The following ZBTB7C variants were observed in gnomAD, a reference collection of about 807,000 sequenced individuals.
The protein encoded by ZBTB7C is zinc finger and BTB domain-containing protein 7C.
A neutral mutation model predicts 25.7 loss-of-function variants in ZBTB7C; 8 were observed. That is an observed-to-expected ratio of 0.31 (90% CI 0.18 to 0.56). The LOEUF is 0.56. Among genes scored for constraint, ZBTB7C ranks in the 20% least tolerant of loss-of-function variants. ZBTB7C has a pLI of 0.91. For missense variants in ZBTB7C, 824 were observed against 855.2 expected, an observed-to-expected ratio of 0.96 and a Z score of 0.46; for synonymous variants, 394 against 369.0, an observed-to-expected ratio of 1.07 and a Z score of -0.78.
At chr18:48,067,049 CCA>C (rs1174182416) in intron 3 of ZBTB7C, among the ~76,000 whole-genome samples, 72 of 152,280 alleles carry the variant, frequency 4.7e-4, no homozygotes, top group Non-Finnish European at 8.4e-4. Flanking sequence ...TTGCAGTGAG[CCA>C]AGATTGTGCC....
chr18:48,150,434 T>C (rs1002675132), intron 3 of ZBTB7C: 2 of 152,038 alleles, frequency 1.3e-5, no homozygotes, highest in African/African-American at 2.4e-5. Flanking sequence ...ACACAAAAAT[T>C]AGCTGGGTCT....
In ZBTB7C at chr18:48,352,253, G is replaced by A. The variant is rs140411165; in HGVS notation, c.-303-13855C>T. Among the ~76,000 whole-genome samples the A allele has an allele frequency of 3.6e-3, 550 of 152,332 alleles. 4 individuals carry two copies. The highest frequency in any genetic ancestry group is 0.012 in the African/African-American group (515 of 41,582). ...TGGATGCCCACTAAGCTCTTGGCAC[G>A]TGTTTGGAAGGCAGAGGAACCTGAG... On this transcript the variant is annotated intron_variant, in intron 1 of 4. Coordinates refer to ENST00000590800, the MANE Select transcript of ZBTB7C (RefSeq NM_001318841.2).
intron 3 of ZBTB7C, among the ~76,000 whole-genome samples, chr18:48,059,351 G>A (rs2037039797): frequency 1.3e-5 from 2 of 152,134 alleles, no homozygotes; most frequent in Non-Finnish European, 2.9e-5. Flanking sequence ...TTTGCAAACA[G>A]AAGGCGGGGG....
intron 1 of ZBTB7C, among the ~76,000 whole-genome samples, chr18:48,363,999 C>G (rs1369821105): frequency 6.6e-6 from 1 of 152,116 alleles, no homozygotes; most frequent in Admixed American, 6.5e-5. Context: ...CCAGACCCAC[C>G]CAGGAGAAAG....
chr18:48,254,358 C>T (rs934827897), intron 2 of ZBTB7C, among the ~76,000 whole-genome samples: 92 of 152,224 alleles, frequency 6.0e-4, no homozygotes, highest in African/African-American at 2.1e-3. Context: ...AAGTGGAAAG[C>T]CCATTTGCAT....
At chr18:48,208,388 C>T (rs758318132) in intron 2 of ZBTB7C, among the ~76,000 whole-genome samples, 2 of 151,984 alleles carry the variant, frequency 1.3e-5, no homozygotes, top group Non-Finnish European at 1.5e-5. Flanking sequence ...CCCTGATTTG[C>T]ATCAAGTGCT....
At chr18:48,239,604 C>T (rs562653549) in intron 2 of ZBTB7C, among the ~76,000 whole-genome samples, 69 of 152,216 alleles carry the variant, frequency 4.5e-4, no homozygotes, top group African/African-American at 1.6e-3. Context: ...GATGGCTAGA[C>T]CCAGAAAAGC....
chr18:48,146,390 A>G (rs1159599376), intron 3 of ZBTB7C, among the ~76,000 whole-genome samples: 1 of 152,234 alleles, frequency 6.6e-6, no homozygotes, highest in South Asian at 2.1e-4. Flanking sequence ...TTAATTACTA[A>G]GCTTAAGTTT....
At chr18:48,228,743 TCTCTCACACACACA>T (rs2043172447) in intron 2 of ZBTB7C, among the ~76,000 whole-genome samples, 1 of 135,836 alleles carries the variant, frequency 7.4e-6, no homozygotes, top group Non-Finnish European at 1.5e-5. Flanking sequence ...TCTCTCTCTC[TCTCTCACACACACA>T]CACACACACA....
chr18:48,303,524 A>T (rs1203550198), intron 2 of ZBTB7C, among the ~76,000 whole-genome samples: 2 of 152,222 alleles, frequency 1.3e-5, no homozygotes, highest in South Asian at 2.1e-4. Flanking sequence ...AACACTATCA[A>T]ATACAAACTA....
chr18:48,404,000 C>T (rs1185706687), intron 1 of ZBTB7C, among the ~76,000 whole-genome samples: 1 of 152,202 alleles, frequency 6.6e-6, no homozygotes, highest in Non-Finnish European at 1.5e-5. Flanking sequence ...CGCCTATAAT[C>T]CCACCATTTT....
rs906917512 is a variant in ZBTB7C, at chr18:48,043,580, A to AGGT, written c.-16-2460_-16-2458dup. Among the ~76,000 whole-genome samples, 23 of 152,178 alleles carry AGGT rather than the reference A, an allele frequency of 1.5e-4. 1 individual carries two copies. Among genetic ancestry groups the AGGT allele is most frequent in the African/African-American group, 5.5e-4 (23 of 41,506 alleles). ...AGATGAGGGTTGCCAGGGACTAAGG[A>AGGT]GGTGGTGGTGGTGGGAGGGAAGTGG... On this transcript the variant is annotated intron_variant, in intron 3 of 4. Transcript: ENST00000590800.
intron 1 of ZBTB7C, among the ~76,000 whole-genome samples, chr18:48,393,977 A>C (rs976923693): frequency 8.5e-5 from 13 of 152,216 alleles, no homozygotes; most frequent in African/African-American, 3.1e-4. Context: ...TCCCCTTCCC[A>C]GGCCTGGCCA....
intron 3 of ZBTB7C, among the ~76,000 whole-genome samples, chr18:48,151,057 G>A (rs900427180): frequency 9.9e-5 from 15 of 152,202 alleles, no homozygotes; most frequent in African/African-American, 3.4e-4. Context: ...CGATATGGAA[G>A]AAGCAGTGAC....
chr18:48,077,983 G>A (rs1275961043), intron 3 of ZBTB7C, among the ~76,000 whole-genome samples: 2 of 152,028 alleles, frequency 1.3e-5, no homozygotes, highest in Admixed American at 6.5e-5. Context: ...TTGGGGTGGG[G>A]GGGAGGGCAG....
chr18:48,167,426 C>T (rs576845873), intron 3 of ZBTB7C, among the ~76,000 whole-genome samples: 8 of 152,342 alleles, frequency 5.3e-5, no homozygotes, highest in African/African-American at 1.2e-4. Flanking sequence ...CTCAGCCCTG[C>T]ACCCCAACAA....
intron 2 of ZBTB7C, among the ~76,000 whole-genome samples, chr18:48,192,848 T>C (rs2042228381): frequency 6.6e-6 from 1 of 152,170 alleles, no homozygotes; most frequent in Non-Finnish European, 1.5e-5. Flanking sequence ...ATGGTAATAA[T>C]AGGAGAAACA....
intron 3 of ZBTB7C, among the ~76,000 whole-genome samples, chr18:48,108,155 A>G (rs1387126871): frequency 3.3e-5 from 5 of 152,044 alleles, no homozygotes; most frequent in Non-Finnish European, 7.4e-5. Flanking sequence ...TAATGGCCCT[A>G]TTTTACAGGG....
At chr18:48,129,260 G>C (rs148364453) in intron 3 of ZBTB7C, among the ~76,000 whole-genome samples, 229 of 150,250 alleles carry the variant, frequency 1.5e-3, no homozygotes, top group Non-Finnish European at 2.7e-3. Context: ...ACACACTCAG[G>C]GTGGCTTCAT....
Sources: allele counts gnomAD v4.1 joint callset (sites outside exome capture counted in the v4.1 genomes callset), GRCh38; gene constraint gnomAD v4.1.1; transcripts MANE v1.5; gene names NCBI Gene and HGNC (gene_info 2026-07-23, HGNC 2026-07-21).